Variants in PTPRD observed in about 807,000 individuals in gnomAD.
PTPRD encodes the protein protein tyrosine phosphatase receptor type D, also known as receptor-type tyrosine-protein phosphatase delta.
Under a neutral mutation model 214.5 loss-of-function variants are expected in PTPRD, and 34 were observed. The observed-to-expected ratio is 0.16, with a 90% confidence interval of 0.12 to 0.21. PTPRD has a LOEUF of 0.21. Ranked by LOEUF, PTPRD falls within the 10% of genes least tolerant of loss-of-function variation. The pLI is 1.00. For missense variants in PTPRD, 2,545 were observed against 2,398.7 expected, an observed-to-expected ratio of 1.06 and a Z score of -1.27; for synonymous variants, 1,128 against 845.7, an observed-to-expected ratio of 1.33 and a Z score of -5.79.
intron 11 of PTPRD, among the ~76,000 whole-genome samples, chr9:8,944,306 T>C (rs1035636957): frequency 3.3e-5 from 5 of 152,056 alleles, no homozygotes; most frequent in Non-Finnish European, 7.4e-5. Flanking sequence ...GCTGGTATGA[T>C]TGTAAATTAG....
At chr9:9,068,285 A>G (rs2099738201) in intron 10 of PTPRD, among the ~76,000 whole-genome samples, 2 of 152,168 alleles carry the variant, frequency 1.3e-5, no homozygotes, top group Non-Finnish European at 2.9e-5. Context: ...GTGTTTAGCT[A>G]CTAGAAATAA....
At chr9:8,960,020 T>C (rs2099150731) in intron 11 of PTPRD, among the ~76,000 whole-genome samples, 2 of 152,044 alleles carry the variant, frequency 1.3e-5, no homozygotes, top group Admixed American at 1.3e-4. Context: ...CGGTTGATTT[T>C]ACAGAAATTT....
chr9:10,591,532 C>A (rs543896603), intron 2 of PTPRD, among the ~76,000 whole-genome samples: 8 of 151,850 alleles, frequency 5.3e-5, no homozygotes, highest in South Asian at 2.1e-4. Context: ...GCAAACTAGA[C>A]CCTCCCATTA....
At chr9:10,193,106 C>T (rs546400357) in intron 3 of PTPRD, among the ~76,000 whole-genome samples, 1 of 152,072 alleles carries the variant, frequency 6.6e-6, no homozygotes, top group Non-Finnish European at 1.5e-5. Context: ...CCAGATTTTT[C>T]AATTTCCCAT....
intron 3 of PTPRD, among the ~76,000 whole-genome samples, chr9:10,192,074 G>A (rs1259255754): frequency 1.3e-5 from 2 of 152,100 alleles, no homozygotes; most frequent in Admixed American, 1.3e-4. Flanking sequence ...CTTAGCCAAG[G>A]CCTGTGATAC....
At chr9:9,614,090 C>T (rs1017331498) in intron 7 of PTPRD, among the ~76,000 whole-genome samples, 6 of 151,594 alleles carry the variant, frequency 4.0e-5, no homozygotes, top group Admixed American at 2.0e-4. Context: ...TCAATTGTTG[C>T]TAAAAACATG....
At chr9:9,768,685 C>T (rs2098726454) in intron 5 of PTPRD, among the ~76,000 whole-genome samples, 1 of 152,050 alleles carries the variant, frequency 6.6e-6, no homozygotes, top group Non-Finnish European at 1.5e-5. Flanking sequence ...CAGAAAACCT[C>T]CTTAAATGAC....
At chr9:9,027,460 A>C (rs756898807) in intron 10 of PTPRD, among the ~76,000 whole-genome samples, 6 of 151,948 alleles carry the variant, frequency 3.9e-5, no homozygotes, top group Non-Finnish European at 7.4e-5. Flanking sequence ...CTTTTTCTAA[A>C]TTACTCTCAT....
intron 11 of PTPRD, among the ~76,000 whole-genome samples, chr9:8,869,237 G>A (rs916303007): frequency 7.9e-5 from 12 of 152,082 alleles, no homozygotes; most frequent in African/African-American, 2.9e-4. Context: ...TTTGGCTTAA[G>A]GAATTCATTT....
chr9:8,526,526 C>A, intron 17 of PTPRD, 101 bp downstream of exon 17: 5 of 1,029,222 alleles, frequency 4.9e-6, no homozygotes, highest in Admixed American at 2.8e-5. Context: ...AGTTGATGGA[C>A]ATTATTGGAA....
Position 9,534,502 on chromosome 9 carries a change from T to C in PTPRD, c.-237+40230A>G, listed in dbSNP as rs536913753. On this transcript the variant is annotated intron_variant, in intron 8 of 45. Coordinates refer to ENST00000381196, the MANE Select transcript of PTPRD (RefSeq NM_002839.4). ...CAAAGGGGATGACAGTTTTATACAA[T>C]GGTTAATACTGACATAATACATAAA... Among the ~76,000 whole-genome samples the C allele has an allele frequency of 2.0e-5, 3 of 152,182 alleles. No individual in the cohort carries two copies. In the South Asian group the frequency reaches 6.2e-4, roughly 32 times the overall value.
At chr9:8,734,564 A>C (rs527805980) in intron 11 of PTPRD, among the ~76,000 whole-genome samples, 1 of 152,350 alleles carries the variant, frequency 6.6e-6, no homozygotes, top group South Asian at 2.1e-4. Flanking sequence ...AGCCTCTTTC[A>C]TTTAACAGGA....
intron 3 of PTPRD, among the ~76,000 whole-genome samples, chr9:10,214,429 AT>A (rs35115543): frequency 0.55 from 66,941 of 120,700 alleles, 17,886 homozygotes; most frequent in Non-Finnish European, 0.67. Context: ...AAGCCCAACT[AT>A]TTTTTTTTTT....
intron 14 of PTPRD, among the ~76,000 whole-genome samples, chr9:8,602,028 C>T (rs1431158683): frequency 6.6e-6 from 1 of 151,898 alleles, no homozygotes; most frequent in Non-Finnish European, 1.5e-5. Context: ...ATCAGATCTC[C>T]ATCTCTACAC....
At chr9:10,448,728 C>T (rs982935166) in intron 2 of PTPRD, among the ~76,000 whole-genome samples, 3 of 151,986 alleles carry the variant, frequency 2.0e-5, no homozygotes, top group Non-Finnish European at 2.9e-5. Flanking sequence ...AGCCTAATAA[C>T]TGGCAAAGTG....
intron 7 of PTPRD, among the ~76,000 whole-genome samples, chr9:9,690,116 T>G (rs189059066): frequency 1.3e-5 from 2 of 151,896 alleles, no homozygotes; most frequent in Non-Finnish European, 2.9e-5. Context: ...CCACATTGTA[T>G]GGGGGTTCTC....
At chr9:10,151,201 C>T (rs1370878215) in intron 3 of PTPRD, among the ~76,000 whole-genome samples, 33 of 139,076 alleles carry the variant, frequency 2.4e-4, no homozygotes, top group Admixed American at 8.7e-4. Context: ...GCTGGGATTA[C>T]AGGCACATGC....
At position 9,130,788 on chromosome 9, in the gene PTPRD, G is replaced by A. The variant is rs566026544; in HGVS notation, c.-143+52516C>T. On this transcript the variant is annotated intron_variant, in intron 10 of 45. Coordinates refer to ENST00000381196, the MANE Select transcript of PTPRD (RefSeq NM_002839.4). ...ATTTATTAGGTTGCTGAGCTATTTT[G>A]GGGTAGTCATTTCACCTAGCTGGCC... 9.2e-5 allele frequency among the ~76,000 whole-genome samples: 14 copies of A among 152,202 alleles called. No homozygotes were observed. In the South Asian group the frequency reaches 2.9e-3, roughly 32 times the overall value.
At chr9:8,522,746 C>T (rs2097915991) in intron 19 of PTPRD, among the ~76,000 whole-genome samples, 1 of 152,134 alleles carries the variant, frequency 6.6e-6, no homozygotes, top group Admixed American at 6.6e-5. Flanking sequence ...AAATTGGTTT[C>T]ATCTGGGGCT....
Sources: gnomAD v4.1 joint callset for allele counts (sites outside exome capture counted in the v4.1 genomes callset) on GRCh38, gnomAD v4.1.1 for gene constraint, MANE v1.5 for transcripts, NCBI Gene and HGNC (gene_info 2026-07-23, HGNC 2026-07-21) for gene names.